PSG7: variants seen among roughly 807,000 people sequenced by gnomAD.
PSG7 encodes pregnancy-specific beta-1-glycoprotein 7.
Under a neutral mutation model 45.6 loss-of-function variants are expected in PSG7, and 57 were observed. That is an observed-to-expected ratio of 1.25 (90% confidence interval 1.01 to 1.56). The LOEUF is 1.56. PSG7 is among the 40% of genes most tolerant of loss of function. PSG7 has a pLI of 0.00. For missense variants in PSG7, 796 were observed against 508.4 expected, an observed-to-expected ratio of 1.57 and a Z score of -5.44; for synonymous variants, 298 against 194.4, an observed-to-expected ratio of 1.53 and a Z score of -4.43.
chr19:42,934,201 G>C (rs1216107037), intron 2 of PSG7, among the ~76,000 whole-genome samples: 7 of 151,436 alleles, frequency 4.6e-5, no homozygotes, highest in Non-Finnish European at 1.5e-5. Context: ...GATCTGAGGG[G>C]GAGACCTGGA....
chr19:42,930,030 G>T (rs1026708236), intron 2 of PSG7, among the ~76,000 whole-genome samples: 1 of 151,632 alleles, frequency 6.6e-6, no homozygotes, highest in African/African-American at 2.4e-5. Context: ...ATCTCCAACT[G>T]CCTGCCTGGC....
chr19:42,935,545 C>T lies in PSG7; in HGVS notation c.289G>A (p.Gly97Arg), dbSNP rs782600839. 3 of 1,612,060 alleles carry T rather than the reference C, an allele frequency of 1.9e-6. No individual in the cohort carries two copies. Among genetic ancestry groups the T allele is most frequent in the Non-Finnish European group, 2.5e-6 (3 of 1,179,052 alleles). ...QIIKYGPAYS[G>R]RETVYSNASL... The stretch of plus-strand genomic sequence containing the variant: ...GCATTGGAATATACTGTTTCTCGTC[C>T]ACTGTATGCAGGCCCATATTTAATT... The change falls in exon 2 of 6, where the codon GGA becomes AGA. Residue 97 changes from glycine (G) to arginine (R), a missense_variant. Coordinates refer to ENST00000406070, the MANE Select transcript of PSG7 (RefSeq NM_002783.3).
At chr19:42,936,970 C>G (rs1973164964) in intron 1 of PSG7, 43 bp downstream of exon 1, 2 of 1,605,894 alleles carry the variant, frequency 1.2e-6, no homozygotes, top group Non-Finnish European at 1.7e-6. Flanking sequence ...TCCAGTCACT[C>G]TGCTTCCTTT....
chr19:42,935,609 G>A lies in PSG7; in HGVS notation c.225C>T (p.Leu75=), dbSNP rs1165258175. 6.2e-7 allele frequency: 1 copy of A among 1,612,086 alleles called. No individual in the cohort carries two copies. Among genetic ancestry groups the A allele is most frequent in the East Asian group, 2.2e-5 (1 of 44,788 alleles). ...YIWYKGQIRD[L]YHYVTSYIVD... Reference sequence around the variant, plus strand: ...CTATATATGATGTAACATAATGGTAGAGGTCCCTGATTTGTCCTTTGTACC... The same window carrying A: ...CTATATATGATGTAACATAATGGTAAAGGTCCCTGATTTGTCCTTTGTACC... The change falls in exon 2 of 6, where the codon CTC becomes CTT. Residue 75 remains leucine (L), a synonymous_variant. Transcript: ENST00000406070.
rs1973171520 is a variant in PSG7, at chr19:42,937,179, G to A, written c.-103C>T. On this transcript the variant is annotated 5_prime_UTR_variant, in exon 1 of 6. Coordinates refer to ENST00000406070, the MANE Select transcript of PSG7 (RefSeq NM_002783.3). ...GTGCTGTCCTTCCTCCTTCTGCACT[G>A]AGCCTCTTCCCGGGGCAGGAGCACT... The A allele has an allele frequency of 2.0e-6, 3 of 1,489,606 alleles. No homozygotes were observed. Among genetic ancestry groups the A allele is most frequent in the Non-Finnish European group, 2.7e-6 (3 of 1,094,760 alleles). 92.3% of individuals were successfully genotyped at this position (1,489,606 alleles called of 1,614,324 possible).
chr19:42,933,297 ATATATATATATTTTTT>A (rs1236245431), intron 2 of PSG7, among the ~76,000 whole-genome samples: 2 of 13,252 alleles, frequency 1.5e-4, no homozygotes, highest in Non-Finnish European at 3.5e-4. Flanking sequence ...ATATATATAT[ATATATATATATTTTTT>A]TTTTTTTTTG....
intron 2 of PSG7, among the ~76,000 whole-genome samples, chr19:42,933,882 G>T (rs1184497880): frequency 6.6e-6 from 1 of 151,352 alleles, no homozygotes; most frequent in Non-Finnish European, 1.5e-5. Flanking sequence ...GGTGGCTTTA[G>T]GGGCAAGAGG....
chr19:42,932,394 A>G (rs1973040382), intron 2 of PSG7, among the ~76,000 whole-genome samples: 1 of 151,460 alleles, frequency 6.6e-6, no homozygotes, highest in Non-Finnish European at 1.5e-5. Context: ...CCGAGTGACA[A>G]ATTCCAAGCT....
chr19:42,934,679 G>A (rs1016484146), intron 2 of PSG7, among the ~76,000 whole-genome samples: 1 of 151,602 alleles, frequency 6.6e-6, no homozygotes, highest in African/African-American at 2.4e-5. Flanking sequence ...CTGTGGACAA[G>A]CTGCTACCTG....
chr19:42,933,134 C>T (rs952963143), intron 2 of PSG7, among the ~76,000 whole-genome samples: 4 of 148,026 alleles, frequency 2.7e-5, no homozygotes, highest in Admixed American at 1.4e-4. Context: ...TCCTGTGCCC[C>T]TGAAACTATC....
chr19:42,935,150 T>G (rs1362630535), intron 2 of PSG7, among the ~76,000 whole-genome samples: 1 of 151,872 alleles, frequency 6.6e-6, no homozygotes, highest in Non-Finnish European at 1.5e-5. Context: ...GAGACTGATC[T>G]CCTCCTGCTG....
At chr19:42,927,526 C>G (rs1972922693) in intron 3 of PSG7, 1 of 151,536 alleles carries the variant, frequency 6.6e-6, no homozygotes, top group African/African-American at 2.4e-5. Context: ...TACATGTGGA[C>G]ATTTGCAAAT....
rs573676412 is a variant in PSG7, at chr19:42,929,460, C to A, written c.691G>T (p.Val231Phe). 5.1e-5 allele frequency: 83 copies of A among 1,612,492 alleles called. 5 individuals carry two copies. The South Asian group carries it at 8.8e-4, about 17-fold the overall frequency. Residue 231 changes from valine (V) to phenylalanine (F), a missense_variant, in exon 3 of 6, where the codon GTC (valine) becomes TTC (phenylalanine). Physicochemically the swap from Val to Phe is conservative, Grantham distance 50 (BLOSUM62 -1). Transcript: ENST00000406070. ...TACTCACGGAGGAGATTCAGGGTGACTGGGTCACTGCGGCTGGCACTCACT... is the reference window on the plus strand; with the variant it reads ...TACTCACGGAGGAGATTCAGGGTGAATGGGTCACTGCGGCTGGCACTCACT... ...NPVSASRSDP[V>F]TLNLLPKLPK...
At chr19:42,926,271 C>A in intron 4 of PSG7, 167 bp downstream of exon 4, 1 of 1,448,032 alleles carries the variant, frequency 6.9e-7, no homozygotes, top group Non-Finnish European at 9.2e-7. Context: ...AAGGCTGTGC[C>A]TACCCAGGTT....
rs1355514386 is a variant in PSG7, at chr19:42,933,290, TATATATATA to T, written c.430+2105_430+2113del. On this transcript the variant is annotated intron_variant, in intron 2 of 5. Transcript: ENST00000406070. ...CAATATATATATATATATATATATATATATATATATATATATATTTTTTTTTTTTTTTGG... is the reference window on the plus strand; with the variant it reads ...CAATATATATATATATATATATATATTATATATATTTTTTTTTTTTTTTGG... Among the ~76,000 whole-genome samples the T allele has an allele frequency of 2.2e-3, 27 of 12,040 alleles. 1 individual carries two copies. Among genetic ancestry groups the T allele is most frequent in the South Asian group, 8.7e-3 (2 of 230 alleles). The allele number at this position is 12,040 out of a possible 152,430, so 7.9% of individuals were successfully genotyped here. A position where few individuals can be genotyped will look rare whatever the true frequency, so the allele number is the denominator to read the frequency against.
At chr19:42,934,299 T>G (rs1292038102) in intron 2 of PSG7, among the ~76,000 whole-genome samples, 1 of 151,358 alleles carries the variant, frequency 6.6e-6, no homozygotes, top group East Asian at 1.9e-4. Context: ...CTCTCACTCC[T>G]CTGAGGTTTG....
intron 5 of PSG7, 173 bp from the exon 6 acceptor site, chr19:42,924,997 T>G (rs186504569): frequency 1.4e-5 from 9 of 631,214 alleles, no homozygotes; most frequent in East Asian, 2.7e-5. Flanking sequence ...TTCTTCAAAC[T>G]TGGTCTGATT....
At chr19:42,936,940 A>C in intron 1 of PSG7, 73 bp downstream of exon 1, 1 of 1,586,674 alleles carries the variant, frequency 6.3e-7, no homozygotes, top group Admixed American at 1.7e-5. Flanking sequence ...TTAGAACCCC[A>C]TCCTCTCTAG....
At chr19:42,933,300 TATA>T (rs1438778890) in intron 2 of PSG7, among the ~76,000 whole-genome samples, 12 of 20,422 alleles carry the variant, frequency 5.9e-4, no homozygotes, top group South Asian at 2.5e-3. Context: ...TATATATATA[TATA>T]TATATTTTTT....
Sources: allele counts gnomAD v4.1 joint callset (sites outside exome capture counted in the v4.1 genomes callset), GRCh38; gene constraint gnomAD v4.1.1; transcripts MANE v1.5; gene names NCBI Gene and HGNC (gene_info 2026-07-23, HGNC 2026-07-21).